The following DOP1A variants were observed in gnomAD, a reference collection of about 807,000 sequenced individuals.
DOP1A encodes protein DOP1A.
A neutral mutation model predicts 267.6 loss-of-function variants in DOP1A; 90 were observed. The observed-to-expected ratio is 0.34, with a 90% CI of 0.28 to 0.40. The LOEUF (loss-of-function observed/expected upper bound fraction) is 0.40. DOP1A is among the 10% of genes least tolerant of loss of function. The probability of loss-of-function intolerance (pLI) is 1.00; values close to 1 mark genes in which losing one functional copy is unlikely to be tolerated. For missense variants in DOP1A, 2,437 were observed against 2,900.4 expected, an observed-to-expected ratio of 0.84 and a Z score of 3.67; for synonymous variants, 932 against 999.1, an observed-to-expected ratio of 0.93 and a Z score of 1.27.
intron 1 of DOP1A, among the ~76,000 whole-genome samples, chr6:83,074,943 A>G (rs550981842): frequency 1.3e-5 from 2 of 152,328 alleles, no homozygotes; most frequent in East Asian, 3.9e-4. Flanking sequence ...ATAAGCCATA[A>G]GTCAAGGAAT....
intron 1 of DOP1A, among the ~76,000 whole-genome samples, chr6:83,086,603 A>G (rs1002485634): frequency 1.3e-5 from 2 of 152,188 alleles, no homozygotes; most frequent in African/African-American, 4.8e-5. Flanking sequence ...AGAGATAACA[A>G]ACCTTGAGAG....
Position 83,153,626 on chromosome 6 carries a change from A to G in DOP1A, c.6239+6A>G, listed in dbSNP as rs756614795. On this transcript the variant is annotated splice_donor_region_variant and intron_variant, in intron 31 of 38. Transcript: ENST00000349129. ...CCCTACCTCAGAAATCACAGGTACTATCATTATTTAAATAGTTTTTAAAAT... is the reference window on the plus strand; with the variant it reads ...CCCTACCTCAGAAATCACAGGTACTGTCATTATTTAAATAGTTTTTAAAAT... 19 of 1,557,448 alleles carry G rather than the reference A, an allele frequency of 1.2e-5. No homozygotes were observed. The highest frequency in any genetic ancestry group is 2.3e-5 in the East Asian group (1 of 43,724).
chr6:83,075,623 G>A (rs1406320040), intron 1 of DOP1A, among the ~76,000 whole-genome samples: 2 of 152,144 alleles, frequency 1.3e-5, no homozygotes, highest in Non-Finnish European at 2.9e-5. Context: ...AATCAAAATA[G>A]TATGGTACTG....
intron 23 of DOP1A, among the ~76,000 whole-genome samples, chr6:83,141,674 G>A (rs1431865509): frequency 6.6e-6 from 1 of 151,990 alleles, no homozygotes; most frequent in African/African-American, 2.4e-5. Flanking sequence ...TGTTTTTCTA[G>A]TATCTTTTCA....
chr6:83,094,743 T>TGGTTTGGAAGAGTTTTTTATTATC (rs1771133139), intron 1 of DOP1A, among the ~76,000 whole-genome samples: 3 of 152,208 alleles, frequency 2.0e-5, no homozygotes, highest in Admixed American at 6.5e-5. Context: ...TTTTTATTAT[T>TGGTTTGGAAGAGTTTTTTATTATC]GGCTTGGAAG....
chr6:83,166,072 A>C (rs1785448028), intron 38 of DOP1A: 1 of 320,916 alleles, frequency 3.1e-6, no homozygotes, highest in Admixed American at 4.5e-5. Context: ...TTTGGCACAC[A>C]TCACAATCCG....
In DOP1A at chr6:83,151,897, A is replaced by C; in HGVS notation, c.5919A>C (p.Lys1973Asn). The C allele has an allele frequency of 6.2e-7, 1 of 1,613,900 alleles. No homozygotes were observed. Among genetic ancestry groups the C allele is most frequent in the Non-Finnish European group, 8.5e-7 (1 of 1,179,892 alleles). Residue 1973 changes from lysine (K) to asparagine (N), a missense_variant, in exon 29 of 39, where the codon AAA becomes AAC. Physicochemically the swap from Lys to Asn is moderately conservative, Grantham distance 94. This residue lies in a region of DOP1A where 216 missense variants were observed against 283.3 expected (regional missense o/e 0.76). Transcript: ENST00000349129. ...TATTTTTTTAGGATGTAACTCACAA[A>C]ATAGTGGATGCAATTGGTGCAATTG... ...DQRDLQDVTH[K>N]IVDAIGAIAG...
intron 11 of DOP1A, among the ~76,000 whole-genome samples, chr6:83,122,283 G>C (rs753631987): frequency 4.0e-5 from 6 of 151,828 alleles, no homozygotes; most frequent in African/African-American, 7.2e-5. Context: ...GAGGAAATAG[G>C]TAATAGGCTA....
chr6:83,079,093 C>CA (rs1767634240), intron 1 of DOP1A, among the ~76,000 whole-genome samples: 1 of 152,118 alleles, frequency 6.6e-6, no homozygotes, highest in Admixed American at 6.5e-5. Context: ...AACCCTTGTG[C>CA]AAGGCTACTT....
At chr6:83,107,677 C>CT (rs907907638) in intron 4 of DOP1A, among the ~76,000 whole-genome samples, 7 of 152,156 alleles carry the variant, frequency 4.6e-5, no homozygotes, top group African/African-American at 1.7e-4. Context: ...CTAACCTAGT[C>CT]TAATTAGGAG....
At chr6:83,148,128 T>C (rs1055349799) in intron 26 of DOP1A, among the ~76,000 whole-genome samples, 23 of 151,990 alleles carry the variant, frequency 1.5e-4, no homozygotes, top group Non-Finnish European at 2.5e-4. Flanking sequence ...ATTAAGAAAT[T>C]GCAGGCTAGG....
At chr6:83,113,150 C>A (rs1034302508) in intron 6 of DOP1A, among the ~76,000 whole-genome samples, 173 bp from the exon 7 acceptor site, 2 of 152,004 alleles carry the variant, frequency 1.3e-5, no homozygotes, top group Admixed American at 1.3e-4. Context: ...TTACGTACTT[C>A]TTAATTTTTA....
intron 1 of DOP1A, among the ~76,000 whole-genome samples, chr6:83,087,903 G>A: frequency 6.6e-6 from 1 of 152,172 alleles, no homozygotes; most frequent in East Asian, 1.9e-4. Context: ...ATGAAGTCTT[G>A]CTTTGTTGCC....
intron 24 of DOP1A, among the ~76,000 whole-genome samples, chr6:83,142,295 G>T (rs1443333542): frequency 6.6e-6 from 1 of 152,018 alleles, no homozygotes; most frequent in African/African-American, 2.4e-5. Flanking sequence ...GGATCATGAG[G>T]TCAGGAGATC....
chr6:83,107,697 C>G (rs1274642829), intron 4 of DOP1A, among the ~76,000 whole-genome samples: 1 of 152,148 alleles, frequency 6.6e-6, no homozygotes, highest in African/African-American at 2.4e-5. Flanking sequence ...GATAATCTCC[C>G]TAAGGAAATG....
At chr6:83,131,225 A>G (rs1196373607) in intron 17 of DOP1A, among the ~76,000 whole-genome samples, 1 of 151,922 alleles carries the variant, frequency 6.6e-6, no homozygotes, top group Non-Finnish European at 1.5e-5. Flanking sequence ...TTTGGATTGT[A>G]TACATCTTAA....
At chr6:83,133,637 TTATTA>T (rs531882256) in intron 18 of DOP1A, among the ~76,000 whole-genome samples, 18 of 151,968 alleles carry the variant, frequency 1.2e-4, no homozygotes, top group South Asian at 6.2e-4. Context: ...GTTTTACCCA[TTATTA>T]TATTAATCTT....
chr6:83,100,252 A>G (rs1304872116), intron 3 of DOP1A, among the ~76,000 whole-genome samples: 4 of 152,222 alleles, frequency 2.6e-5, no homozygotes, highest in Non-Finnish European at 5.9e-5. Flanking sequence ...GTAATTTGAT[A>G]TACTAGGACA....
downstream of DOP1A, chr6:83,170,464 T>C (rs759441649): frequency 1.9e-6 from 3 of 1,613,728 alleles, no homozygotes. Flanking sequence ...TGCTAATAAC[T>C]CTCCTGTCTG....
Sources: allele counts gnomAD v4.1 joint callset (sites outside exome capture counted in the v4.1 genomes callset), GRCh38; gene constraint gnomAD v4.1.1; regional missense constraint gnomAD v4.1.1; transcripts MANE v1.5; gene names NCBI Gene and HGNC (gene_info 2026-07-23, HGNC 2026-07-21).